ERBB4: variants seen among roughly 807,000 people sequenced by gnomAD.
ERBB4 encodes receptor tyrosine-protein kinase erbB-4.
In ERBB4, 42 loss-of-function variants were observed where a neutral mutation model predicts 158.0. The ratio of observed to expected loss-of-function variants is 0.27; its 90% CI spans 0.21 to 0.34. The LOEUF is 0.34. Among genes scored for constraint, ERBB4 ranks in the 10% least tolerant of loss-of-function variants. The probability of loss-of-function intolerance (pLI) is 1.00; values close to 1 mark genes in which losing one functional copy is unlikely to be tolerated. For synonymous variants in ERBB4, 583 were observed against 558.7 expected (o/e 1.04, Z -0.61); for missense variants, 1,333 against 1,624.1 (o/e 0.82, Z 3.08).
At chr2:211,635,187 A>T (rs1276882983) in intron 16 of ERBB4, among the ~76,000 whole-genome samples, 1 of 152,208 alleles carries the variant, frequency 6.6e-6, no homozygotes, top group African/African-American at 2.4e-5. Context: ...CCAAGCTTAG[A>T]CTAAAAGGAT....
chr2:211,774,501 A>G (rs1283255041), intron 4 of ERBB4, among the ~76,000 whole-genome samples: 2 of 152,104 alleles, frequency 1.3e-5, no homozygotes, highest in African/African-American at 4.8e-5. Context: ...CTCTTCACGG[A>G]TAGGTCAATT....
intron 2 of ERBB4, among the ~76,000 whole-genome samples, chr2:211,980,116 T>C (rs2081747574): frequency 6.6e-6 from 1 of 152,180 alleles, no homozygotes; most frequent in Admixed American, 6.5e-5. Flanking sequence ...ACCTATTATT[T>C]GGAAAGAGTA....
In ERBB4 at chr2:212,260,150, A is replaced by G. The variant is rs145037752; in HGVS notation, c.83-135247T>C. Among the ~76,000 whole-genome samples, 50 of 152,238 alleles carry G rather than the reference A, an allele frequency of 3.3e-4. 1 individual carries two copies. In the East Asian group the frequency reaches 9.7e-3, roughly 29 times the overall value. On this transcript the variant is annotated intron_variant, in intron 1 of 27. Coordinates refer to ENST00000342788, the MANE Select transcript of ERBB4 (RefSeq NM_005235.3). ...ACAAACTCTCCTTTATGAAATATCC[A>G]CCTTAAAGGAGATATGAGAAAATAA...
chr2:211,747,469 T>C (rs563633270), intron 5 of ERBB4, among the ~76,000 whole-genome samples: 1 of 152,092 alleles, frequency 6.6e-6, no homozygotes, highest in Non-Finnish European at 1.5e-5. Flanking sequence ...AAAACAAACA[T>C]GGCTACTGGG....
At chr2:211,627,250 T>A (rs2069894719) in intron 17 of ERBB4, among the ~76,000 whole-genome samples, 1 of 152,242 alleles carries the variant, frequency 6.6e-6, no homozygotes, top group Admixed American at 6.5e-5. Context: ...GCCTCCAGCA[T>A]CCTAGCTAAA....
intron 25 of ERBB4, among the ~76,000 whole-genome samples, chr2:211,407,572 A>C (rs1477577535): frequency 6.6e-6 from 1 of 152,178 alleles, no homozygotes; most frequent in Non-Finnish European, 1.5e-5. Flanking sequence ...CTTTCATCAT[A>C]ATGTAGCATA....
intron 25 of ERBB4, 132 bp from the exon 26 acceptor site, chr2:211,388,124 GCTTCCTAAGCAGCAC>G: frequency 1.4e-6 from 1 of 722,484 alleles, no homozygotes; most frequent in South Asian, 1.6e-5. Flanking sequence ...CAACAGTGAA[GCTTCCTAAGCAGCAC>G]AATTGTATGC....
chr2:212,140,912 C>T (rs2080444009), intron 1 of ERBB4, among the ~76,000 whole-genome samples: 1 of 145,450 alleles, frequency 6.9e-6, no homozygotes. Flanking sequence ...TAAGTTAATA[C>T]CATAATTTCT....
chr2:212,114,338 G>A (rs1398294397), intron 2 of ERBB4, among the ~76,000 whole-genome samples: 1 of 152,166 alleles, frequency 6.6e-6, no homozygotes, highest in African/African-American at 2.4e-5. Context: ...GTTCATGGGG[G>A]AGAAAATCTG....
Position 211,379,277 on chromosome 2 carries a change from A to G in ERBB4, c.*4338T>C. On this transcript the variant is annotated 3_prime_UTR_variant, in exon 28 of 28. Coordinates refer to ENST00000342788, the MANE Select transcript of ERBB4 (RefSeq NM_005235.3). Reference sequence around the variant, plus strand: ...GTAATAGAACATTTACATTTTCTTTACTTCATCTTGAAGACCCTTACTTAG... The same window carrying G: ...GTAATAGAACATTTACATTTTCTTTGCTTCATCTTGAAGACCCTTACTTAG... The G allele has an allele frequency of 4.4e-6, 1 of 228,648 alleles. No individual in the cohort carries two copies. The highest frequency in any genetic ancestry group is 8.7e-6 in the Non-Finnish European group (1 of 115,510). 14.2% of individuals were successfully genotyped at this position (228,648 alleles called of 1,614,324 possible). A position where few individuals can be genotyped will look rare whatever the true frequency, so the allele number is the denominator to read the frequency against.
chr2:212,228,678 C>T, intron 1 of ERBB4, among the ~76,000 whole-genome samples: 1 of 147,682 alleles, frequency 6.8e-6, no homozygotes, highest in East Asian at 1.9e-4. Flanking sequence ...AATCAGTAAA[C>T]CCCACCTTGC....
In ERBB4 at chr2:211,725,237, A is replaced by G. The variant is rs1372559210; in HGVS notation, c.623-43T>C. The G allele has an allele frequency of 5.5e-6, 8 of 1,450,572 alleles. No individual in the cohort carries two copies. The Admixed American group carries it at 1.3e-4, about 24-fold the overall frequency. The allele number at this position is 1,450,572 out of a possible 1,614,324, so 89.9% of individuals were successfully genotyped here. ...AGGACCATGATCAAAGTCTGCCACC[A>G]GGAGAAACTCATAAGCTGAGTTCTG... On this transcript the variant is annotated intron_variant, in intron 5 of 27. Coordinates refer to ENST00000342788, the MANE Select transcript of ERBB4 (RefSeq NM_005235.3).
chr2:212,117,934 C>A (rs930294743), intron 2 of ERBB4, among the ~76,000 whole-genome samples: 2 of 152,136 alleles, frequency 1.3e-5, no homozygotes, highest in Non-Finnish European at 2.9e-5. Flanking sequence ...TTCAGTAAAT[C>A]ATTTTCTAAC....
intron 22 of ERBB4, among the ~76,000 whole-genome samples, chr2:211,426,139 A>G (rs1014226190): frequency 6.6e-6 from 1 of 151,944 alleles, no homozygotes; most frequent in Non-Finnish European, 1.5e-5. Context: ...TACAAAAACA[A>G]AAGCCAAAAT....
intron 1 of ERBB4, among the ~76,000 whole-genome samples, chr2:212,139,591 A>C (rs2080380872): frequency 6.6e-6 from 1 of 151,856 alleles, no homozygotes; most frequent in Admixed American, 6.6e-5. Flanking sequence ...AACAAGAAAA[A>C]ATTTTTCAAT....
intron 20 of ERBB4, among the ~76,000 whole-genome samples, chr2:211,498,701 G>C (rs1390371773): frequency 6.6e-6 from 1 of 152,022 alleles, no homozygotes; most frequent in Admixed American, 6.6e-5. Context: ...AACTAAAAAC[G>C]GGGTCATTCC....
chr2:212,220,440 A>T (rs2083257340), intron 1 of ERBB4, among the ~76,000 whole-genome samples: 1 of 151,384 alleles, frequency 6.6e-6, no homozygotes, highest in South Asian at 2.1e-4. Flanking sequence ...TAGTTATAAA[A>T]ACCAGAGATT....
At chr2:212,205,676 A>C (rs546429818) in intron 1 of ERBB4, among the ~76,000 whole-genome samples, 1 of 152,306 alleles carries the variant, frequency 6.6e-6, no homozygotes, top group South Asian at 2.1e-4. Flanking sequence ...AAGCATTGTT[A>C]CATATCAACA....
intron 12 of ERBB4, among the ~76,000 whole-genome samples, chr2:211,693,067 C>A (rs2106002963): frequency 6.6e-6 from 1 of 152,242 alleles, no homozygotes; most frequent in South Asian, 2.1e-4. Flanking sequence ...CTCTTATATA[C>A]CCTAGTTACT....
Sources: allele counts gnomAD v4.1 joint callset (sites outside exome capture counted in the v4.1 genomes callset), GRCh38; gene constraint gnomAD v4.1.1; transcripts MANE v1.5; gene names NCBI Gene and HGNC (gene_info 2026-07-23, HGNC 2026-07-21).